The following DACH2 variants were observed in gnomAD, a reference collection of about 807,000 sequenced individuals.
The protein encoded by DACH2 is dachshund family transcription factor 2.
A neutral mutation model predicts 35.8 loss-of-function variants in DACH2; 17 were observed. The observed-to-expected ratio is 0.48, with a 90% CI of 0.33 to 0.71. DACH2 has a LOEUF of 0.71. Among genes scored for constraint, DACH2 ranks in the 30% least tolerant of loss-of-function variants. The pLI is 0.02. For missense variants in DACH2, 469 were observed against 472.7 expected (o/e 0.99, Z 0.07); for synonymous variants, 195 against 177.3 (o/e 1.10, Z -0.79).
At chrX:86,430,377 A>T (rs909647825) in intron 2 of DACH2, among the ~76,000 whole-genome samples, 1 of 112,538 alleles carries the variant, frequency 8.9e-6, no homozygotes, top group African/African-American at 3.2e-5. Context: ...AATGTTGATT[A>T]TATGTTGAAA....
rs182635757 is a variant in DACH2 at position 86,540,142 on chromosome X, T to C, written c.640+25751T>C. 1.4e-4 allele frequency among the ~76,000 whole-genome samples: 16 copies of C among 112,231 alleles called. 1 individual carries two copies. In the East Asian group the frequency reaches 3.4e-3, roughly 24 times the overall value. On this transcript the variant is annotated intron_variant, in intron 3 of 11. Transcript: ENST00000373125. Reference sequence around the variant, plus strand: ...TTTGAATGTAATATTATTTGATTTTTCTATGAGCATTATAGAGAATGCGTT... The same window carrying C: ...TTTGAATGTAATATTATTTGATTTTCCTATGAGCATTATAGAGAATGCGTT...
intron 3 of DACH2, among the ~76,000 whole-genome samples, chrX:86,626,399 C>T (rs1456891041): frequency 8.9e-6 from 1 of 112,611 alleles, no homozygotes; most frequent in Non-Finnish European, 1.9e-5. Flanking sequence ...TGTTGAGTGT[C>T]TGTGGCTTTT....
intron 2 of DACH2, among the ~76,000 whole-genome samples, chrX:86,419,578 A>G (rs1461416175): frequency 3.6e-5 from 4 of 112,103 alleles, no homozygotes; most frequent in Admixed American, 2.8e-4. Flanking sequence ...GATTCCTTCC[A>G]TGACATGTGG....
rs180737827 is a variant in DACH2 at position 86,262,926 on chromosome X, G to A, written c.488+113818G>A. On this transcript the variant is annotated intron_variant, in intron 1 of 11. Coordinates refer to ENST00000373125, the MANE Select transcript of DACH2 (RefSeq NM_053281.3). ...AAATAGAAAGAAACAAACAATCTCA[G>A]TCTCCCTCCACATTAAAACAACCCC... is the stretch of plus-strand genomic sequence containing the variant. 6 of 647,709 alleles carry A rather than the reference G, an allele frequency of 9.3e-6. No homozygotes were observed. In the East Asian group the frequency reaches 8.1e-4, roughly 88 times the overall value. 53.4% of individuals were successfully genotyped at this position (647,709 alleles called of 1,213,427 possible).
At chrX:86,499,333 T>G (rs1373169461) in intron 2 of DACH2, among the ~76,000 whole-genome samples, 3 of 111,295 alleles carry the variant, frequency 2.7e-5, no homozygotes, top group Non-Finnish European at 5.7e-5. Flanking sequence ...CCATAACCCA[T>G]TCCAATCATT....
chrX:86,768,849 G>A (rs1278226963), intron 7 of DACH2, among the ~76,000 whole-genome samples: 2 of 110,665 alleles, frequency 1.8e-5, no homozygotes, highest in African/African-American at 6.6e-5. Context: ...CTTTATGTCT[G>A]TATGTATTCA....
intron 3 of DACH2, among the ~76,000 whole-genome samples, chrX:86,556,733 G>C (rs1041929776): frequency 3.3e-5 from 3 of 89,725 alleles, no homozygotes; most frequent in African/African-American, 1.2e-4. Flanking sequence ...GAGTTCTACA[G>C]AGAAACAGAA....
intron 1 of DACH2, among the ~76,000 whole-genome samples, chrX:86,284,634 A>G (rs2034108992): frequency 1.0e-5 from 1 of 99,212 alleles, no homozygotes; most frequent in African/African-American, 4.2e-5. Context: ...GTTTGGAAGC[A>G]TTCTTCCTCC....
At position 86,174,005 on chromosome X, in the gene DACH2, C is replaced by T. The variant is rs539618470; in HGVS notation, c.488+24897C>T. On this transcript the variant is annotated intron_variant, in intron 1 of 11. Transcript: ENST00000373125. The stretch of plus-strand genomic sequence containing the variant: ...GGGTGTGAGAGAAAGAAAAGAGTCA[C>T]GAACAACTCCAGGAATTTGGCATAT... Among the ~76,000 whole-genome samples, 38 of 110,145 alleles carry T rather than the reference C, an allele frequency of 3.4e-4. 1 individual carries two copies. In the South Asian group the frequency reaches 6.7e-3, roughly 19 times the overall value.
At chrX:86,624,143 G>T (rs2040105843) in intron 3 of DACH2, among the ~76,000 whole-genome samples, 1 of 106,202 alleles carries the variant, frequency 9.4e-6, no homozygotes. Flanking sequence ...GACTTACAAT[G>T]TATAACTCTG....
At chrX:86,164,933 A>G (rs1340119277) in intron 1 of DACH2, among the ~76,000 whole-genome samples, 1 of 99,115 alleles carries the variant, frequency 1.0e-5, no homozygotes, top group Non-Finnish European at 2.0e-5. Flanking sequence ...TTTTGGTTCT[A>G]TATAAATTTT....
At chrX:86,396,218 C>T (rs1408462869) in intron 2 of DACH2, among the ~76,000 whole-genome samples, 8 of 109,433 alleles carry the variant, frequency 7.3e-5, no homozygotes, top group South Asian at 4.0e-4. Context: ...GTCCTTCGCC[C>T]GCTTTTTGAT....
At chrX:86,442,502 CTT>C (rs1410545814) in intron 2 of DACH2, among the ~76,000 whole-genome samples, 1 of 105,364 alleles carries the variant, frequency 9.5e-6, no homozygotes, top group Non-Finnish European at 1.9e-5. Context: ...TGTAGGTTGT[CTT>C]TTCATTGTGG....
At chrX:86,766,244 C>T (rs370409959) in intron 7 of DACH2, among the ~76,000 whole-genome samples, 42 of 111,513 alleles carry the variant, frequency 3.8e-4, no homozygotes, top group East Asian at 1.1e-3. Flanking sequence ...GTTAAAAGTT[C>T]GTAAATCGTT....
intron 1 of DACH2, among the ~76,000 whole-genome samples, chrX:86,247,147 C>T (rs2147947708): frequency 9.0e-6 from 1 of 111,650 alleles, no homozygotes; most frequent in Non-Finnish European, 1.9e-5. Context: ...TTATATGCAT[C>T]TAACACTGGA....
chrX:86,594,212 A>G (rs1255735297), intron 3 of DACH2, among the ~76,000 whole-genome samples: 1 of 111,130 alleles, frequency 9.0e-6, no homozygotes. Context: ...CATTTTTTAT[A>G]TTAGTAATTT....
intron 3 of DACH2, among the ~76,000 whole-genome samples, chrX:86,533,399 T>G (rs1333942204): frequency 8.9e-6 from 1 of 112,195 alleles, no homozygotes; most frequent in Non-Finnish European, 1.9e-5. Context: ...TTTCTGATCT[T>G]CTTTATTGTA....
intron 3 of DACH2, among the ~76,000 whole-genome samples, chrX:86,632,673 A>G (rs2040216205): frequency 9.0e-6 from 1 of 111,255 alleles, no homozygotes; most frequent in Non-Finnish European, 1.9e-5. Context: ...CTTTCAGCAA[A>G]CACAAAACTC....
At chrX:86,345,084 G>C (rs1432309980) in intron 1 of DACH2, among the ~76,000 whole-genome samples, 1 of 111,392 alleles carries the variant, frequency 9.0e-6, no homozygotes, top group East Asian at 2.8e-4. Flanking sequence ...GTTATTTCCT[G>C]TTTTCCTATA....
Sources: gnomAD v4.1 joint callset for allele counts (sites outside exome capture counted in the v4.1 genomes callset) on GRCh38, gnomAD v4.1.1 for gene constraint, MANE v1.5 for transcripts, NCBI Gene and HGNC (gene_info 2026-07-23, HGNC 2026-07-21) for gene names.